The following VPS9D1 variants were observed in gnomAD, a reference collection of about 807,000 sequenced individuals.
The protein encoded by VPS9D1 is VPS9 domain-containing protein 1.
VPS9D1 carries 78 observed loss-of-function variants against 75.8 expected under a neutral mutation model. That is an observed-to-expected ratio of 1.03 (90% CI 0.86 to 1.24). VPS9D1 has a LOEUF of 1.24. VPS9D1 is among the 50% of genes most tolerant of loss of function. The pLI, the probability that VPS9D1 is intolerant of heterozygous loss-of-function variation, is 0.00. For missense variants in VPS9D1, 1,057 were observed against 847.7 expected (o/e 1.25, Z -3.07); for synonymous variants, 481 against 385.6 (o/e 1.25, Z -2.90).
chr16:89,708,963 C>T lies in VPS9D1; in HGVS notation c.1598-7G>A. The T allele has an allele frequency of 6.3e-7, 1 of 1,592,320 alleles. No individual in the cohort carries two copies. The highest frequency in any genetic ancestry group is 8.5e-7 in the Non-Finnish European group (1 of 1,170,974). The stretch of plus-strand genomic sequence containing the variant: ...ATGATCCGCAGGGTCCGCACTGCGC[C>T]CCAGACAGGGTTTCAGGGGCAGTTA... On this transcript the variant is annotated splice_region_variant and splice_polypyrimidine_tract_variant and intron_variant, in intron 12 of 14. Coordinates refer to ENST00000389386, the MANE Select transcript of VPS9D1 (RefSeq NM_004913.3).
intron 1 of VPS9D1, chr16:89,720,504 A>C (rs1051302482): frequency 1.8e-6 from 2 of 1,136,706 alleles, no homozygotes; most frequent in African/African-American, 1.6e-5. Flanking sequence ...TCTCCTCTAC[A>C]GGTGGAGCCC....
intron 1 of VPS9D1, chr16:89,719,509 T>A: frequency 5.4e-6 from 2 of 367,970 alleles, no homozygotes; most frequent in Non-Finnish European, 1.1e-5. Context: ...GGGTGATTCA[T>A]TCAGTGGCTT....
chr16:89,710,934 T>C lies in VPS9D1; in HGVS notation c.910A>G (p.Ser304Gly). The C allele has an allele frequency of 6.7e-7, 1 of 1,482,610 alleles. No homozygotes were observed. Among genetic ancestry groups the C allele is most frequent in the Non-Finnish European group, 8.9e-7 (1 of 1,121,942 alleles). 91.8% of individuals were successfully genotyped at this position (1,482,610 alleles called of 1,614,324 possible). A position where few individuals can be genotyped will look rare whatever the true frequency, so the allele number is the denominator to read the frequency against. ...SVYSALYPAV[S>G]RAAAPAPGCC... ...CCTGGGGCTGGCGCGGCTGCTCTGC[T>C]CACGGCGGGATACAGGGCGCTGTAC... The change falls in exon 10 of 15, where the codon AGC becomes GGC. Residue 304 changes from serine to glycine, a missense_variant. By Grantham distance (56) the Ser-to-Gly change is moderately conservative. Transcript: ENST00000389386.
chr16:89,714,184 C>T (rs536264193), intron 4 of VPS9D1, among the ~76,000 whole-genome samples: 5 of 152,146 alleles, frequency 3.3e-5, no homozygotes, highest in African/African-American at 9.6e-5. Context: ...GTAATCTGCC[C>T]GCCTTGGCCT....
rs1567554893 is a variant in VPS9D1 at position 89,719,049 on chromosome 16, T to C, written c.153A>G (p.Leu51=). 6.2e-7 allele frequency: 1 copy of C among 1,613,554 alleles called. No homozygotes were observed. The change falls in exon 2 of 15, where the codon CTA becomes CTG. Residue 51 remains leucine, a synonymous_variant. Transcript: ENST00000389386. ...RSIHYISQVL[L]EEVETTKEAG... Reference sequence around the variant, plus strand: ...TACCTTTAGTGGTTTCCACTTCTTCTAGTAACACCTGGGAGATATAGTGGA... The same window carrying C: ...TACCTTTAGTGGTTTCCACTTCTTCCAGTAACACCTGGGAGATATAGTGGA...
In VPS9D1 at chr16:89,709,703, G is replaced by C. The variant is rs575735826; in HGVS notation, c.1388+74C>G. 4 of 1,603,404 alleles carry C rather than the reference G, an allele frequency of 2.5e-6. No individual in the cohort carries two copies. In the African/African-American group the frequency reaches 5.3e-5, roughly 21 times the overall value. ...GGAGGGGAGCAGACAGTGCCAGGGAGCAGGGCAGGCCTCCTGGGGGACTGG... is the reference window on the plus strand; with the variant it reads ...GGAGGGGAGCAGACAGTGCCAGGGACCAGGGCAGGCCTCCTGGGGGACTGG... On this transcript the variant is annotated intron_variant, in intron 11 of 14. Coordinates refer to ENST00000389386, the MANE Select transcript of VPS9D1 (RefSeq NM_004913.3).
In VPS9D1 at chr16:89,716,834, A is replaced by T; in HGVS notation, c.176-12T>A. 1 of 1,582,784 alleles carries T rather than the reference A, an allele frequency of 6.3e-7. No homozygotes were observed. The highest frequency in any genetic ancestry group is 8.5e-7 in the Non-Finnish European group (1 of 1,170,266). ...AGTTTCCCCAGCTTCTGGGGGAGGGACAAGAAGGCTGGTCACAGTCGGCTC... is the reference window on the plus strand; with the variant it reads ...AGTTTCCCCAGCTTCTGGGGGAGGGTCAAGAAGGCTGGTCACAGTCGGCTC... On this transcript the variant is annotated splice_polypyrimidine_tract_variant and intron_variant, in intron 2 of 14. Coordinates refer to ENST00000389386, the MANE Select transcript of VPS9D1 (RefSeq NM_004913.3).
intron 4 of VPS9D1, among the ~76,000 whole-genome samples, chr16:89,713,372 A>G (rs2060985117): frequency 2.0e-5 from 3 of 150,808 alleles, no homozygotes; most frequent in African/African-American, 7.3e-5. Flanking sequence ...CTCCTGCCTC[A>G]GCCTCCTGAG....
Position 89,709,371 on chromosome 16 carries a change from G to A in VPS9D1, c.1453C>T (p.Pro485Ser). 6.4e-7 allele frequency: 1 copy of A among 1,570,796 alleles called. No homozygotes were observed. Among genetic ancestry groups the A allele is most frequent in the East Asian group, 2.2e-5 (1 of 44,708 alleles). The change falls in exon 12 of 15, where the codon CCC (proline) becomes TCC (serine). Residue 485 changes from proline to serine, a missense_variant. Coordinates refer to ENST00000389386, the MANE Select transcript of VPS9D1 (RefSeq NM_004913.3). ...RSMELYRNAP[P>S]TAIGIPTKLL... ...TTGGTGGGGATGCCAATGGCGGTGG[G>A]GGGTGCATTCCTGTAGAGCTCCATG...
At chr16:89,710,032 A>C in intron 10 of VPS9D1, 126 bp from the exon 11 acceptor site, 1 of 1,325,248 alleles carries the variant, frequency 7.5e-7, no homozygotes, top group Non-Finnish European at 1.0e-6. Context: ...TCCTGCACCC[A>C]CCCCTGACCC....
At position 89,708,521 on chromosome 16, in the gene VPS9D1, C is replaced by A. The variant is rs1278958310; in HGVS notation, c.1708G>T (p.Asp570Tyr). Residue 570 changes from aspartate to tyrosine, a missense_variant, in exon 14 of 15, where the codon GAC becomes TAC. Transcript: ENST00000389386. ...ACGAAGGACAGGATGGGCAGCAGGT[C>A]ATCGGCACCACTGTCGGGAGGGCAT... ...PIAAAAIGAD[D>Y]LLPILSFVVL... is the part of the protein sequence containing the mutation. 1 of 1,612,798 alleles carries A rather than the reference C, an allele frequency of 6.2e-7. No individual in the cohort carries two copies. Among genetic ancestry groups the A allele is most frequent in the East Asian group, 2.2e-5 (1 of 44,888 alleles).
intron 12 of VPS9D1, 48 bp downstream of exon 12, chr16:89,709,179 T>C: frequency 6.2e-7 from 1 of 1,608,280 alleles, no homozygotes; most frequent in African/African-American, 1.3e-5. Flanking sequence ...CCAGGTCACC[T>C]ACTGGGATGG....
intron 14 of VPS9D1, 64 bp downstream of exon 14, chr16:89,708,363 A>T: frequency 1.4e-6 from 2 of 1,472,018 alleles, no homozygotes; most frequent in South Asian, 1.2e-5. Context: ...ACCACCGTTT[A>T]GGTTGAGGGA....
rs969152201 is a variant in VPS9D1 at position 89,707,809 on chromosome 16, C to G, written c.*52G>C. 3 of 1,537,200 alleles carry G rather than the reference C, an allele frequency of 2.0e-6. No homozygotes were observed. The highest frequency in any genetic ancestry group is 4.5e-5 in the East Asian group (2 of 44,370). On this transcript the variant is annotated 3_prime_UTR_variant, in exon 15 of 15. Transcript: ENST00000389386. ...CCCATGGCTCCAGGTGTAGGAGAGA[C>G]AGCCCTGGGAGGCGAGGCCAGGCCC...
At position 89,711,363 on chromosome 16, in the gene VPS9D1, A is replaced by T. The variant is rs753165683; in HGVS notation, c.797T>A (p.Leu266Gln). The change falls in exon 9 of 15, where the codon CTG becomes CAG. Residue 266 changes from leucine to glutamine, a missense_variant. By Grantham distance (113) the Leu-to-Gln change is moderately radical. Coordinates refer to ENST00000389386, the MANE Select transcript of VPS9D1 (RefSeq NM_004913.3). Reference sequence around the variant, plus strand: ...TGAGACCAGGCTGGTCACGAGTGACAGGTCCCCCGGATTCCTCTTGAGCTT... The same window carrying T: ...TGAGACCAGGCTGGTCACGAGTGACTGGTCCCCCGGATTCCTCTTGAGCTT... ...KAKLKRNPGD[L>Q]SLVTSLVSHL... The T allele has an allele frequency of 1.9e-6, 3 of 1,610,874 alleles. No homozygotes were observed. Among genetic ancestry groups the T allele is most frequent in the African/African-American group, 1.3e-5 (1 of 74,962 alleles).
chr16:89,719,910 G>C (rs1261977427), intron 1 of VPS9D1, among the ~76,000 whole-genome samples: 2 of 152,136 alleles, frequency 1.3e-5, no homozygotes, highest in Non-Finnish European at 2.9e-5. Flanking sequence ...GTAGAGACGG[G>C]GTTTCACCAC....
intron 2 of VPS9D1, 137 bp from the exon 3 acceptor site, chr16:89,716,959 T>G: frequency 1.9e-6 from 1 of 521,944 alleles, no homozygotes; most frequent in Non-Finnish European, 2.7e-6. Context: ...GCAAGCCCAC[T>G]GCCCCCCCAT....
At chr16:89,710,373 G>A (rs1382618084) in intron 10 of VPS9D1, among the ~76,000 whole-genome samples, 1 of 152,126 alleles carries the variant, frequency 6.6e-6, no homozygotes, top group Non-Finnish European at 1.5e-5. Flanking sequence ...ATCAACTGAG[G>A]TCAGGAGTTT....
At chr16:89,709,522 A>G in intron 11 of VPS9D1, 87 bp from the exon 12 acceptor site, 1 of 1,404,574 alleles carries the variant, frequency 7.1e-7, no homozygotes, top group Non-Finnish European at 9.4e-7. Flanking sequence ...TCAGTCCTGG[A>G]GAAAACTGGC....
Sources: allele counts gnomAD v4.1 joint callset (sites outside exome capture counted in the v4.1 genomes callset), GRCh38; gene constraint gnomAD v4.1.1; transcripts MANE v1.5; gene names NCBI Gene and HGNC (gene_info 2026-07-23, HGNC 2026-07-21).